RHOH: variants seen among roughly 807,000 people sequenced by gnomAD.
RHOH encodes rho-related GTP-binding protein RhoH.
RHOH carries 6 observed loss-of-function variants against 13.8 expected under a neutral mutation model. The ratio of observed to expected loss-of-function variants is 0.44; its 90% CI spans 0.24 to 0.86. The LOEUF (loss-of-function observed/expected upper bound fraction) is 0.86, where lower values mean the gene tolerates loss of function less well. RHOH is among the 40% of genes least tolerant of loss of function. The probability of loss-of-function intolerance (pLI) is 0.24; values close to 1 mark genes in which losing one functional copy is unlikely to be tolerated. For missense variants in RHOH, 147 were observed against 244.5 expected, an observed-to-expected ratio of 0.60 and a Z score of 2.66; for synonymous variants, 117 against 103.0, an observed-to-expected ratio of 1.14 and a Z score of -0.82.
chr4:40,221,709 GGCCAGTTAATAAAC>G (rs1309506511), intron 1 of RHOH, among the ~76,000 whole-genome samples: 2 of 152,042 alleles, frequency 1.3e-5, no homozygotes, highest in Admixed American at 1.3e-4. Context: ...ATTGAAATTA[GGCCAGTTAATAAAC>G]CTATAATGGC....
intron 1 of RHOH, among the ~76,000 whole-genome samples, chr4:40,197,743 T>C (rs1723383731): frequency 6.6e-6 from 1 of 152,266 alleles, no homozygotes; most frequent in Admixed American, 6.5e-5. Context: ...CTGGAATTTC[T>C]AGCTTGTGTT....
At chr4:40,231,437 C>T (rs1479061097) in intron 1 of RHOH, among the ~76,000 whole-genome samples, 1 of 151,938 alleles carries the variant, frequency 6.6e-6, no homozygotes, top group Admixed American at 6.6e-5. Flanking sequence ...CTTCTCTTCC[C>T]CTTCATTCAG....
chr4:40,238,140 A>G (rs1276177045), intron 1 of RHOH, among the ~76,000 whole-genome samples: 1 of 151,814 alleles, frequency 6.6e-6, no homozygotes, highest in Non-Finnish European at 1.5e-5. Flanking sequence ...TTCCATGTCA[A>G]ATGTACATAG....
At chr4:40,224,318 C>T (rs985485801) in intron 1 of RHOH, among the ~76,000 whole-genome samples, 1 of 152,168 alleles carries the variant, frequency 6.6e-6, no homozygotes, top group Non-Finnish European at 1.5e-5. Flanking sequence ...CAGATCTTTC[C>T]AGTTCTTTTT....
At chr4:40,227,871 A>G (rs1050958492) in intron 1 of RHOH, among the ~76,000 whole-genome samples, 5 of 152,222 alleles carry the variant, frequency 3.3e-5, no homozygotes, top group African/African-American at 1.2e-4. Context: ...AAACAAGTCA[A>G]ACTTGCAAAT....
At chr4:40,222,986 C>T (rs1726768858) in intron 1 of RHOH, among the ~76,000 whole-genome samples, 1 of 152,146 alleles carries the variant, frequency 6.6e-6, no homozygotes, top group Admixed American at 6.6e-5. Context: ...GAGGAAGTAA[C>T]TGCAGATGTG....
intron 1 of RHOH, among the ~76,000 whole-genome samples, chr4:40,231,396 A>G (rs891965888): frequency 4.1e-5 from 6 of 147,550 alleles, no homozygotes; most frequent in Non-Finnish European, 7.4e-5. Context: ...GTCAAAGCTC[A>G]TGGGAGAGGA....
intron 1 of RHOH, among the ~76,000 whole-genome samples, chr4:40,239,716 T>TA (rs1729018810): frequency 6.6e-6 from 1 of 151,788 alleles, no homozygotes; most frequent in South Asian, 2.1e-4. Flanking sequence ...CCATCTCCAC[T>TA]AAAAATACAA....
intron 1 of RHOH, among the ~76,000 whole-genome samples, chr4:40,239,272 A>G (rs886169874): frequency 1.3e-5 from 2 of 152,226 alleles, no homozygotes; most frequent in African/African-American, 4.8e-5. Flanking sequence ...ACTTGGGGTC[A>G]GAACTGGCTG....
chr4:40,201,119 G>C (rs957570123), intron 1 of RHOH, among the ~76,000 whole-genome samples: 1 of 152,158 alleles, frequency 6.6e-6, no homozygotes, highest in African/African-American at 2.4e-5. Flanking sequence ...CATCCATTCA[G>C]TGCCTCGTTA....
At chr4:40,208,556 C>T (rs1724906123) in intron 1 of RHOH, among the ~76,000 whole-genome samples, 1 of 152,178 alleles carries the variant, frequency 6.6e-6, no homozygotes, top group Non-Finnish European at 1.5e-5. Context: ...CTTCTCTCCA[C>T]TTAATATGCT....
Position 40,244,195 on chromosome 4 carries a change from A to C in RHOH, c.*233A>C. On this transcript the variant is annotated 3_prime_UTR_variant, in exon 3 of 3. Coordinates refer to ENST00000381799, the MANE Select transcript of RHOH (RefSeq NM_004310.5). ...AAAATCCCTTGGGGAACTGTGATGA[A>C]TATTCCATCTTTGATTAAAAAAGTG... 2.4e-6 allele frequency: 1 copy of C among 415,622 alleles called. No homozygotes were observed. The highest frequency in any genetic ancestry group is 4.4e-6 in the Non-Finnish European group (1 of 226,384). 25.7% of individuals were successfully genotyped at this position (415,622 alleles called of 1,614,324 possible). A position where few individuals can be genotyped will look rare whatever the true frequency, so the allele number is the denominator to read the frequency against.
chr4:40,239,366 CTT>C (rs1728980796), intron 1 of RHOH, among the ~76,000 whole-genome samples: 1 of 152,166 alleles, frequency 6.6e-6, no homozygotes, highest in African/African-American at 2.4e-5. Flanking sequence ...GAGTCTCTCT[CTT>C]TCTTTCTCTT....
chr4:40,203,849 G>A (rs909589842), intron 1 of RHOH, among the ~76,000 whole-genome samples: 3 of 152,184 alleles, frequency 2.0e-5, no homozygotes, highest in African/African-American at 7.2e-5. Context: ...CATGGGGAGA[G>A]TCTGGGACCC....
At chr4:40,239,251 C>T (rs577542203) in intron 1 of RHOH, among the ~76,000 whole-genome samples, 49 of 152,300 alleles carry the variant, frequency 3.2e-4, no homozygotes, top group African/African-American at 1.2e-3. Context: ...TGAAAGCTGA[C>T]TTGATGGGCC....
chr4:40,226,831 G>C (rs544952534), intron 1 of RHOH, among the ~76,000 whole-genome samples: 1 of 152,232 alleles, frequency 6.6e-6, no homozygotes, highest in East Asian at 1.9e-4. Flanking sequence ...GATGAGAAAG[G>C]GAACAGGTGT....
Position 40,229,561 on chromosome 4 carries a change from G to A in RHOH, c.-330-13153G>A, listed in dbSNP as rs528253319. On this transcript the variant is annotated intron_variant, in intron 1 of 2. Transcript: ENST00000381799. ...AGGCAGGAGAATCGCTTGAACCTTG[G>A]GGGTGGAGGTTGCAGTGAGTTGAGA... Among the ~76,000 whole-genome samples, 136 of 151,844 alleles carry A rather than the reference G, an allele frequency of 9.0e-4. 1 individual carries two copies. The Middle Eastern group carries it at 0.01, about 11-fold the overall frequency.
chr4:40,193,018 CTATT>C (rs1052266945), upstream of RHOH: 7 of 152,480 alleles, frequency 4.6e-5, no homozygotes, highest in African/African-American at 1.7e-4. Context: ...GAGAATCAAT[CTATT>C]TATTGGTCAG....
chr4:40,203,422 A>G (rs1724264452), intron 1 of RHOH, among the ~76,000 whole-genome samples: 2 of 152,216 alleles, frequency 1.3e-5, no homozygotes, highest in South Asian at 2.1e-4. Flanking sequence ...CTCCCACCCT[A>G]TGAAGACTCT....
Sources: allele counts gnomAD v4.1 joint callset (sites outside exome capture counted in the v4.1 genomes callset), GRCh38; gene constraint gnomAD v4.1.1; transcripts MANE v1.5; gene names NCBI Gene and HGNC (gene_info 2026-07-23, HGNC 2026-07-21).